Variants in WRAP73 observed in about 807,000 individuals in gnomAD.
WRAP73 encodes the protein WD repeat-containing protein WRAP73.
In WRAP73, 55 loss-of-function variants were observed where a neutral mutation model predicts 59.6. The observed-to-expected ratio is 0.92, with a 90% CI of 0.74 to 1.15. The LOEUF is 1.15. WRAP73 is among the 50% of genes most tolerant of loss of function. WRAP73 has a pLI of 0.00. For synonymous variants in WRAP73, 265 were observed against 258.2 expected, an observed-to-expected ratio of 1.03 and a Z score of -0.25; for missense variants, 592 against 608.1, an observed-to-expected ratio of 0.97 and a Z score of 0.28.
Position 3,641,582 on chromosome 1 carries a change from G to A in WRAP73, c.340-2760C>T, listed in dbSNP as rs905020142. ...CGCCCCGCAGCAGGCACCGGCTGCC[G>A]GACACAGGTGGGAGACGGACTGAGC... On this transcript the variant is annotated intron_variant, in intron 3 of 11. Coordinates refer to ENST00000270708, the MANE Select transcript of WRAP73 (RefSeq NM_017818.4). Among the ~76,000 whole-genome samples, 20 of 152,132 alleles carry A rather than the reference G, an allele frequency of 1.3e-4. No homozygotes were observed. The East Asian group carries it at 3.1e-3, about 23-fold the overall frequency.
chr1:3,638,918 G>C, intron 3 of WRAP73, 96 bp from the exon 4 acceptor site: 1 of 1,375,732 alleles, frequency 7.3e-7, no homozygotes, highest in Non-Finnish European at 1.0e-6. Context: ...CCAAGCACAG[G>C]CCTGACTGCT....
At chr1:3,633,635 GGA>G (rs1644561542) in intron 8 of WRAP73, 132 bp from the exon 9 acceptor site, 1 of 698,460 alleles carries the variant, frequency 1.4e-6, no homozygotes, top group African/African-American at 1.8e-5. Flanking sequence ...GCTGCCACCG[GGA>G]GAGACGGAAG....
At position 3,646,864 on chromosome 1, in the gene WRAP73, C is replaced by T. The variant is rs76161888; in HGVS notation, c.223-82G>A. The T allele has an allele frequency of 0.15, 188,592 of 1,239,584 alleles. 15,709 individuals carry two copies. The highest frequency in any genetic ancestry group is 0.2 in the Middle Eastern group (1,076 of 5,300). 76.8% of individuals were successfully genotyped at this position (1,239,584 alleles called of 1,614,324 possible). On this transcript the variant is annotated intron_variant, in intron 2 of 11. Coordinates refer to ENST00000270708, the MANE Select transcript of WRAP73 (RefSeq NM_017818.4). This position sits in a 1 kb window ranked among gnomAD's most constrained non-coding sequence, Gnocchi z 5.1. ...GCGAGGACAGCTCGCTTAAACGCAG[C>T]GGAGACCCGACCGCACAGGGTGTCT...
At chr1:3,631,757 G>T in intron 10 of WRAP73, 100 bp from the exon 11 acceptor site, 2 of 1,481,628 alleles carry the variant, frequency 1.3e-6, no homozygotes, top group South Asian at 1.3e-5. Flanking sequence ...GAGGGGAGGG[G>T]AAGAACCGGT....
In WRAP73 at chr1:3,646,522, C is replaced by A; in HGVS notation, c.339+144G>T. The A allele has an allele frequency of 1.6e-6, 1 of 634,384 alleles. No homozygotes were observed. The highest frequency in any genetic ancestry group is 2.3e-5 in the South Asian group (1 of 42,886). The allele number at this position is 634,384 out of a possible 1,614,324, so 39.3% of individuals were successfully genotyped here. ...ATACAGGGTTTGGTACAATCTGAAT[C>A]CCCTGGTGGTCTTAGAATGCATCCC... is the stretch of plus-strand genomic sequence containing the variant. On this transcript the variant is annotated intron_variant, in intron 3 of 11. Coordinates refer to ENST00000270708, the MANE Select transcript of WRAP73 (RefSeq NM_017818.4). The surrounding 1 kb of genome is among the most constrained non-coding windows in gnomAD (Gnocchi z 5.1).
At position 3,637,105 on chromosome 1, in the gene WRAP73, G is replaced by A. The variant is rs776090098; in HGVS notation, c.413-7C>T. The A allele has an allele frequency of 6.2e-7, 1 of 1,601,216 alleles. No homozygotes were observed. The highest frequency in any genetic ancestry group is 8.5e-7 in the Non-Finnish European group (1 of 1,174,530). On this transcript the variant is annotated splice_region_variant and splice_polypyrimidine_tract_variant and intron_variant, in intron 4 of 11. Transcript: ENST00000270708. ...TCCCTGGTGAAGGTGATTCCTGTGG[G>A]AAGAGGCAAATGCACTGAAATCAAG... is the stretch of plus-strand genomic sequence containing the variant.
chr1:3,644,359 G>A (rs999939227), intron 3 of WRAP73, among the ~76,000 whole-genome samples: 2 of 138,458 alleles, frequency 1.4e-5, no homozygotes, highest in Non-Finnish European at 3.1e-5. Context: ...TCGCGCCTTC[G>A]GAAGGGGATC....
intron 2 of WRAP73, among the ~76,000 whole-genome samples, chr1:3,647,094 G>A (rs1057137760): frequency 6.6e-6 from 1 of 152,136 alleles, no homozygotes; most frequent in Non-Finnish European, 1.5e-5. Context: ...TCATTCCTAA[G>A]ACCTCATTTA....
At chr1:3,649,781 C>T in intron 1 of WRAP73, 150 bp downstream of exon 1, 1 of 761,348 alleles carries the variant, frequency 1.3e-6, no homozygotes, top group Non-Finnish European at 2.0e-6. Flanking sequence ...GCACCTGCCC[C>T]GGGTACCTGC....
chr1:3,640,685 C>G (rs1644635013), intron 3 of WRAP73, among the ~76,000 whole-genome samples: 1 of 151,484 alleles, frequency 6.6e-6, no homozygotes, highest in Non-Finnish European at 1.5e-5. Flanking sequence ...AGCATCTCAG[C>G]ATCAGCAGGG....
chr1:3,644,813 T>G (rs977318269), intron 3 of WRAP73, among the ~76,000 whole-genome samples: 12 of 152,252 alleles, frequency 7.9e-5, no homozygotes, highest in Non-Finnish European at 1.3e-4. Context: ...TTTATCCATC[T>G]TTTAAGGTTT....
chr1:3,632,616 A>G, intron 9 of WRAP73: 1 of 477,754 alleles, frequency 2.1e-6, no homozygotes, highest in Admixed American at 3.4e-5. Flanking sequence ...GGAGAGGGAC[A>G]TGGACAGGTC....
chr1:3,635,480 T>C (rs1178530791), intron 6 of WRAP73, 186 bp from the exon 7 acceptor site: 12 of 775,014 alleles, frequency 1.5e-5, no homozygotes, highest in African/African-American at 1.2e-4. Context: ...AGTGAGAGCA[T>C]GAGGAAAAAG....
Position 3,646,650 on chromosome 1 carries a change from T to A in WRAP73, c.339+16A>T. Reference sequence around the variant, plus strand: ...GGATCACATGGCCAGTAAGGTGTCTTGGGGCTGACACTTACATGGAATTCC... The same window carrying A: ...GGATCACATGGCCAGTAAGGTGTCTAGGGGCTGACACTTACATGGAATTCC... On this transcript the variant is annotated intron_variant, in intron 3 of 11. Transcript: ENST00000270708. This position sits in a 1 kb window ranked among gnomAD's most constrained non-coding sequence, Gnocchi z 5.1. 6.3e-7 allele frequency: 1 copy of A among 1,584,952 alleles called. No homozygotes were observed. The highest frequency in any genetic ancestry group is 1.8e-5 in the Admixed American group (1 of 56,682).
In WRAP73 at chr1:3,644,490, G is replaced by A. The variant is rs537715011; in HGVS notation, c.339+2176C>T. 8.5e-5 allele frequency among the ~76,000 whole-genome samples: 13 copies of A among 152,344 alleles called. No homozygotes were observed. In the South Asian group the frequency reaches 2.3e-3, roughly 27 times the overall value. ...TGAATGAGACTGATGGACGGTGCCC[G>A]CAGCTCACTTCCTGGCCAGCACGTC... is the stretch of plus-strand genomic sequence containing the variant. On this transcript the variant is annotated intron_variant, in intron 3 of 11. Transcript: ENST00000270708.
At chr1:3,647,031 C>T (rs996497293) in intron 2 of WRAP73, among the ~76,000 whole-genome samples, 17 of 152,164 alleles carry the variant, frequency 1.1e-4, no homozygotes, top group Non-Finnish European at 2.4e-4. Context: ...AAGTAAGCCA[C>T]GCTTCTTGGT....
chr1:3,649,866 CCCTGCCCG>C, intron 1 of WRAP73, 57 bp downstream of exon 1: 1 of 1,531,340 alleles, frequency 6.5e-7, no homozygotes, highest in Non-Finnish European at 8.8e-7. Flanking sequence ...CCGCCCCCGG[CCCTGCCCG>C]CCGGGGACGC....
Position 3,646,558 on chromosome 1 carries a change from G to A in WRAP73, c.339+108C>T, listed in dbSNP as rs1644692371. 2 of 819,454 alleles carry A rather than the reference G, an allele frequency of 2.4e-6. No individual in the cohort carries two copies. Among genetic ancestry groups the A allele is most frequent in the South Asian group, 3.8e-5 (2 of 52,030 alleles). 50.8% of individuals were successfully genotyped at this position (819,454 alleles called of 1,614,324 possible). A position where few individuals can be genotyped will look rare whatever the true frequency, so the allele number is the denominator to read the frequency against. On this transcript the variant is annotated intron_variant, in intron 3 of 11. Transcript: ENST00000270708. This position sits in a 1 kb window ranked among gnomAD's most constrained non-coding sequence, Gnocchi z 5.1. ...CTTAGAATGCATCCCCTGAGGATAA[G>A]GGGAGACTAGCATACTCCAAACACA...
chr1:3,631,322 T>A lies in WRAP73; in HGVS notation c.1240+144A>T, dbSNP rs533213237. ...GGGCAGCGGGTCCCCTGTGTGTCCGTCTTGAGGTTTACGCAAAGACTCTGA... is the reference window on the plus strand; with the variant it reads ...GGGCAGCGGGTCCCCTGTGTGTCCGACTTGAGGTTTACGCAAAGACTCTGA... On this transcript the variant is annotated intron_variant, in intron 11 of 11. Coordinates refer to ENST00000270708, the MANE Select transcript of WRAP73 (RefSeq NM_017818.4). 31 of 1,313,530 alleles carry A rather than the reference T, an allele frequency of 2.4e-5. No individual in the cohort carries two copies. In the East Asian group the frequency reaches 6.6e-4, roughly 28 times the overall value. 81.4% of individuals were successfully genotyped at this position (1,313,530 alleles called of 1,614,324 possible). A position where few individuals can be genotyped will look rare whatever the true frequency, so the allele number is the denominator to read the frequency against.
Sources: allele counts gnomAD v4.1 joint callset (sites outside exome capture counted in the v4.1 genomes callset), GRCh38; gene constraint gnomAD v4.1.1; non-coding constraint Gnocchi (gnomAD v3.1); transcripts MANE v1.5; gene names NCBI Gene and HGNC (gene_info 2026-07-23, HGNC 2026-07-21).